The following FARS2 variants were observed in gnomAD, a reference collection of about 807,000 sequenced individuals.
FARS2 encodes phenylalanine--tRNA ligase, mitochondrial.
FARS2 carries 40 observed loss-of-function variants against 46.4 expected under a neutral mutation model. That is an observed-to-expected ratio of 0.86 (90% CI 0.67 to 1.12). The LOEUF is 1.12. FARS2 is among the 50% of genes most tolerant of loss of function. FARS2 has a pLI of 0.00. For synonymous variants in FARS2, 234 were observed against 214.9 expected, an observed-to-expected ratio of 1.09 and a Z score of -0.78; for missense variants, 513 against 567.9, an observed-to-expected ratio of 0.90 and a Z score of 0.98.
chr6:5,501,755 A>G (rs1401417586), intron 4 of FARS2, among the ~76,000 whole-genome samples: 1 of 152,114 alleles, frequency 6.6e-6, no homozygotes, highest in Non-Finnish European at 1.5e-5. Context: ...TCAGCCTCCC[A>G]AAGTGCTGGG....
chr6:5,456,146 C>T (rs530417754), intron 4 of FARS2, among the ~76,000 whole-genome samples: 169 of 151,992 alleles, frequency 1.1e-3, no homozygotes, highest in African/African-American at 3.6e-3. Context: ...GCCTGGAGGT[C>T]GAGGCTGCAG....
chr6:5,545,783 G>A (rs545006118), intron 5 of FARS2, among the ~76,000 whole-genome samples: 27 of 152,258 alleles, frequency 1.8e-4, no homozygotes, highest in African/African-American at 5.8e-4. Flanking sequence ...TGCAAAGGAC[G>A]TGAACTCATT....
intron 6 of FARS2, among the ~76,000 whole-genome samples, chr6:5,628,675 G>A (rs1776150811): frequency 6.6e-6 from 1 of 152,236 alleles, no homozygotes; most frequent in Admixed American, 6.5e-5. Flanking sequence ...TCCCATCAAG[G>A]GGAGAATGTG....
chr6:5,734,053 G>A (rs1760799940), intron 6 of FARS2, among the ~76,000 whole-genome samples: 1 of 152,206 alleles, frequency 6.6e-6, no homozygotes, highest in Admixed American at 6.5e-5. Context: ...GTGCTAAACT[G>A]GTGTAATAGC....
intron 6 of FARS2, among the ~76,000 whole-genome samples, chr6:5,649,915 T>C (rs921780816): frequency 6.6e-6 from 1 of 152,194 alleles, no homozygotes; most frequent in Non-Finnish European, 1.5e-5. Context: ...TCATTGCCTT[T>C]TTGATAAAAA....
intron 3 of FARS2, among the ~76,000 whole-genome samples, chr6:5,429,932 C>CT (rs770728298): frequency 5.4e-4 from 78 of 144,652 alleles, no homozygotes; most frequent in Middle Eastern, 3.6e-3. Context: ...AGACAATTGC[C>CT]TTTTTTTTTT....
At chr6:5,271,382 A>C (rs938311616) in intron 1 of FARS2, among the ~76,000 whole-genome samples, 11 of 152,156 alleles carry the variant, frequency 7.2e-5, no homozygotes, top group Non-Finnish European at 1.5e-5. Flanking sequence ...AACTGTGACC[A>C]GGGAGAAGAT....
At chr6:5,716,336 A>G (rs1759490579) in intron 6 of FARS2, among the ~76,000 whole-genome samples, 1 of 152,104 alleles carries the variant, frequency 6.6e-6, no homozygotes, top group East Asian at 1.9e-4. Context: ...CCACACTTAC[A>G]TTTGGTTAAT....
At chr6:5,660,257 T>C (rs2150779126) in intron 6 of FARS2, among the ~76,000 whole-genome samples, 1 of 152,320 alleles carries the variant, frequency 6.6e-6, no homozygotes, top group South Asian at 2.1e-4. Context: ...AGAGCAATAG[T>C]CTAGACTAGA....
chr6:5,356,633 A>G (rs1757951316), intron 1 of FARS2, among the ~76,000 whole-genome samples: 1 of 152,224 alleles, frequency 6.6e-6, no homozygotes, highest in South Asian at 2.1e-4. Context: ...TGCAATGTTC[A>G]TGAGTCAATA....
At chr6:5,673,039 A>C (rs2150812894) in intron 6 of FARS2, among the ~76,000 whole-genome samples, 1 of 152,286 alleles carries the variant, frequency 6.6e-6, no homozygotes, top group South Asian at 2.1e-4. Context: ...CTGCCTTTGC[A>C]GTTTAGCATC....
intron 6 of FARS2, among the ~76,000 whole-genome samples, chr6:5,715,165 T>A (rs935873615): frequency 6.6e-6 from 1 of 152,196 alleles, no homozygotes; most frequent in African/African-American, 2.4e-5. Flanking sequence ...TTGAGGGAAC[T>A]AGGGTTCAGA....
intron 4 of FARS2, among the ~76,000 whole-genome samples, chr6:5,528,565 C>G (rs146177256): frequency 6.6e-6 from 1 of 152,206 alleles, no homozygotes; most frequent in Non-Finnish European, 1.5e-5. Context: ...CCTGGGTTCA[C>G]ATCCCAGATC....
At chr6:5,638,447 C>A (rs1373553169) in intron 6 of FARS2, among the ~76,000 whole-genome samples, 1 of 152,216 alleles carries the variant, frequency 6.6e-6, no homozygotes, top group Non-Finnish European at 1.5e-5. Context: ...TGCCTGTAGT[C>A]CCAGCTACTT....
At chr6:5,704,614 G>A (rs1758631795) in intron 6 of FARS2, among the ~76,000 whole-genome samples, 1 of 152,176 alleles carries the variant, frequency 6.6e-6, no homozygotes, top group Non-Finnish European at 1.5e-5. Context: ...TCAGTTCAAA[G>A]TGGTTCATTG....
chr6:5,250,541 A>T, the FARS2 span, among the ~76,000 whole-genome samples: 1 of 152,140 alleles, frequency 6.6e-6, no homozygotes, highest in Middle Eastern at 3.2e-3. Context: ...TGTTTTTTGG[A>T]AACTCCAGCA....
chr6:5,294,305 A>G (rs1045758389), intron 1 of FARS2, among the ~76,000 whole-genome samples: 1 of 152,188 alleles, frequency 6.6e-6, no homozygotes, highest in Non-Finnish European at 1.5e-5. Context: ...AAAGAGGAGT[A>G]GAGGACAAAG....
chr6:5,350,135 G>C (rs1027945034), intron 1 of FARS2, among the ~76,000 whole-genome samples: 5 of 150,682 alleles, frequency 3.3e-5, no homozygotes, highest in African/African-American at 9.8e-5. Flanking sequence ...TTTCTTGCCT[G>C]GGACTACATG....
chr6:5,260,569 G>T, upstream of FARS2: 1 of 1,512,292 alleles, frequency 6.6e-7, no homozygotes. Flanking sequence ...CAGTCCCCGG[G>T]GATATTCCGC....
Sources: gnomAD v4.1 joint callset for allele counts (sites outside exome capture counted in the v4.1 genomes callset) on GRCh38, gnomAD v4.1.1 for gene constraint, MANE v1.5 for transcripts, NCBI Gene and HGNC (gene_info 2026-07-23, HGNC 2026-07-21) for gene names.